Variants in THSD7B observed in about 807,000 individuals in gnomAD.
The protein encoded by THSD7B is thrombospondin type 1 domain containing 7B.
Under a neutral mutation model 213.6 loss-of-function variants are expected in THSD7B, and 138 were observed. The ratio of observed to expected loss-of-function variants is 0.65; its 90% CI spans 0.56 to 0.74. THSD7B has a LOEUF of 0.74. Among genes scored for constraint, THSD7B ranks in the 30% least tolerant of loss-of-function variants. The probability of loss-of-function intolerance (pLI) is 0.00; values close to 1 mark genes in which losing one functional copy is unlikely to be tolerated. For synonymous variants in THSD7B, 742 were observed against 687.0 expected, an observed-to-expected ratio of 1.08 and a Z score of -1.25; for missense variants, 1,931 against 1,991.5, an observed-to-expected ratio of 0.97 and a Z score of 0.58.
At chr2:137,501,975 GT>G (rs1394495473) in intron 15 of THSD7B, among the ~76,000 whole-genome samples, 3 of 152,158 alleles carry the variant, frequency 2.0e-5, no homozygotes, top group Non-Finnish European at 4.4e-5. Flanking sequence ...GATTAAATGG[GT>G]ACTGATGATC....
At chr2:137,577,015 G>T (rs538346577) in intron 17 of THSD7B, among the ~76,000 whole-genome samples, 2 of 152,080 alleles carry the variant, frequency 1.3e-5, no homozygotes, top group South Asian at 4.1e-4. Context: ...ATGGCAACCT[G>T]TATTTGTCTC....
intron 7 of THSD7B, among the ~76,000 whole-genome samples, chr2:137,218,632 G>A (rs1395283306): frequency 1.3e-5 from 2 of 152,176 alleles, no homozygotes; most frequent in Non-Finnish European, 1.5e-5. Context: ...GGAAATTACA[G>A]TAGAAATCTA....
intron 7 of THSD7B, among the ~76,000 whole-genome samples, chr2:137,224,315 A>G (rs1681448269): frequency 6.6e-6 from 1 of 152,196 alleles, no homozygotes; most frequent in African/African-American, 2.4e-5. Flanking sequence ...CCTGAGAGAG[A>G]ATAGAACGCT....
At chr2:137,482,251 T>A (rs1688326154) in intron 15 of THSD7B, among the ~76,000 whole-genome samples, 1 of 151,592 alleles carries the variant, frequency 6.6e-6, no homozygotes, top group Admixed American at 6.6e-5. Context: ...TGTTGACTAA[T>A]CATTAGTAGA....
intron 10 of THSD7B, among the ~76,000 whole-genome samples, chr2:137,252,339 T>A (rs908764146): frequency 2.7e-5 from 4 of 149,800 alleles, no homozygotes; most frequent in Admixed American, 6.7e-5. Flanking sequence ...CTGGCAGATG[T>A]CCAAATGTAA....
chr2:136,941,076 A>G (rs1376373950), intron 2 of THSD7B, among the ~76,000 whole-genome samples: 2 of 151,938 alleles, frequency 1.3e-5, no homozygotes, highest in East Asian at 1.9e-4. Flanking sequence ...TCATTGTTCA[A>G]TTCCTATGTA....
chr2:137,100,723 G>A (rs1688135110), intron 4 of THSD7B, among the ~76,000 whole-genome samples: 1 of 151,968 alleles, frequency 6.6e-6, no homozygotes, highest in African/African-American at 2.4e-5. Context: ...TTTATTCCAT[G>A]TTTACCTTTA....
In THSD7B at chr2:136,831,860, T is replaced by A. The variant is rs146949532; in HGVS notation, c.-35-50284T>A. 1.5e-3 allele frequency among the ~76,000 whole-genome samples: 229 copies of A among 152,334 alleles called. 7 individuals are homozygous for A. In the East Asian group the frequency reaches 0.037, roughly 25 times the overall value. On this transcript the variant is annotated intron_variant, in intron 1 of 27. Coordinates refer to ENST00000409968, the MANE Select transcript of THSD7B (RefSeq NM_001316349.2). ...CCACTTATATAAGGCTTATCCTTCC[T>A]TTAAGCCCAGCGCAGTCCTTCTGTA...
chr2:137,412,521 C>T (rs200190619), intron 14 of THSD7B, among the ~76,000 whole-genome samples: 2 of 144,554 alleles, frequency 1.4e-5, no homozygotes, highest in Non-Finnish European at 3.0e-5. Flanking sequence ...TGCTTGAACC[C>T]GGGGGGCAGA....
chr2:136,936,490 A>G (rs1684732828), intron 2 of THSD7B, among the ~76,000 whole-genome samples: 1 of 152,246 alleles, frequency 6.6e-6, no homozygotes, highest in South Asian at 2.1e-4. Flanking sequence ...CTACTCAGCC[A>G]TAAAAAGGAA....
intron 7 of THSD7B, among the ~76,000 whole-genome samples, chr2:137,217,670 TG>T (rs1296683989): frequency 3.9e-5 from 6 of 152,170 alleles, no homozygotes; most frequent in African/African-American, 1.2e-4. Context: ...TTCCTCAGTT[TG>T]TGCTAGCTCT....
chr2:137,660,757 A>T (rs149030830), intron 25 of THSD7B, among the ~76,000 whole-genome samples: 86 of 152,322 alleles, frequency 5.6e-4, no homozygotes, highest in African/African-American at 1.8e-3. Context: ...AAGCACATAC[A>T]AATTTGCTTA....
At chr2:137,418,420 TC>T (rs1308205892) in intron 14 of THSD7B, among the ~76,000 whole-genome samples, 1 of 152,144 alleles carries the variant, frequency 6.6e-6, no homozygotes, top group African/African-American at 2.4e-5. Flanking sequence ...GATTTTACCC[TC>T]CTTTTTTTAA....
chr2:137,559,153 A>G (rs183980576), intron 15 of THSD7B, among the ~76,000 whole-genome samples: 11,255 of 152,204 alleles, frequency 0.074, 457 homozygotes, highest in African/African-American at 0.09. Flanking sequence ...GGTAATTTAT[A>G]GATTCAATGC....
intron 10 of THSD7B, among the ~76,000 whole-genome samples, chr2:137,252,283 A>AC (rs1380232756): frequency 6.6e-6 from 1 of 151,130 alleles, no homozygotes; most frequent in Non-Finnish European, 1.5e-5. Flanking sequence ...AAAAAAAAAA[A>AC]AAAAAAACAA....
chr2:136,857,226 A>C (rs1163193468), intron 1 of THSD7B, among the ~76,000 whole-genome samples: 1 of 152,232 alleles, frequency 6.6e-6, no homozygotes, highest in Admixed American at 6.5e-5. Context: ...GATCAAGTTT[A>C]CATGTTTAAC....
intron 12 of THSD7B, among the ~76,000 whole-genome samples, chr2:137,340,480 C>T (rs1427677070): frequency 6.6e-6 from 1 of 151,816 alleles, no homozygotes; most frequent in Non-Finnish European, 1.5e-5. Context: ...TTGAAATGTA[C>T]AATATTATTA....
At chr2:137,045,322 A>G (rs1378044022) in intron 2 of THSD7B, among the ~76,000 whole-genome samples, 2 of 152,174 alleles carry the variant, frequency 1.3e-5, no homozygotes, top group East Asian at 3.9e-4. Flanking sequence ...AGTAAGGATT[A>G]CTTGCACACA....
intron 2 of THSD7B, among the ~76,000 whole-genome samples, chr2:136,904,474 A>G (rs1280035865): frequency 6.6e-6 from 1 of 152,176 alleles, no homozygotes; most frequent in Non-Finnish European, 1.5e-5. Flanking sequence ...AGACAGGGGC[A>G]TGTTCTGGTA....
Sources: allele counts gnomAD v4.1 joint callset (sites outside exome capture counted in the v4.1 genomes callset), GRCh38; gene constraint gnomAD v4.1.1; transcripts MANE v1.5; gene names NCBI Gene and HGNC (gene_info 2026-07-23, HGNC 2026-07-21).